The following SLC9A8 variants were observed in gnomAD, a reference collection of about 807,000 sequenced individuals.
The protein encoded by SLC9A8 is sodium/hydrogen exchanger 8.
SLC9A8 carries 48 observed loss-of-function variants against 66.6 expected under a neutral mutation model. The ratio of observed to expected loss-of-function variants is 0.72; its 90% confidence interval spans 0.57 to 0.92. SLC9A8 has a LOEUF of 0.92. Among genes scored for constraint, SLC9A8 ranks in the 40% least tolerant of loss-of-function variants. The pLI is 0.00. For missense variants in SLC9A8, 599 were observed against 747.3 expected, an observed-to-expected ratio of 0.80 and a Z score of 2.31; for synonymous variants, 274 against 282.6, an observed-to-expected ratio of 0.97 and a Z score of 0.31.
rs191705119 is a variant in SLC9A8, at chr20:49,865,962, C to T, written c.958+1118C>T. 1.6e-3 allele frequency among the ~76,000 whole-genome samples: 242 copies of T among 152,300 alleles called. 1 individual carries two copies. The highest frequency in any genetic ancestry group is 2.3e-3 in the Admixed American group (35 of 15,290). ...CAGAGATTTTCTTTTTTATTAACTT[C>T]GTTGAGGTATAATTTACACACAATA... On this transcript the variant is annotated intron_variant, in intron 10 of 15. Transcript: ENST00000361573.
At chr20:49,819,196 T>G (rs1018268176) in intron 2 of SLC9A8, among the ~76,000 whole-genome samples, 1 of 152,244 alleles carries the variant, frequency 6.6e-6, no homozygotes, top group African/African-American at 2.4e-5. Flanking sequence ...ACATACATTT[T>G]ATGGGCCTTG....
At chr20:49,830,914 C>T in intron 3 of SLC9A8, 3 of 895,362 alleles carry the variant, frequency 3.4e-6, no homozygotes. Context: ...AACTTTAAGC[C>T]TGATTTCTAC....
At chr20:49,818,883 A>G (rs1007984172) in intron 2 of SLC9A8, among the ~76,000 whole-genome samples, 3 of 152,230 alleles carry the variant, frequency 2.0e-5, no homozygotes, top group African/African-American at 7.2e-5. Flanking sequence ...ATTAAGGGAA[A>G]TTAGCCCATA....
chr20:49,892,194 G>A lies in SLC9A8; in HGVS notation c.*4258G>A, dbSNP rs1057297682. 8 of 152,210 alleles carry A rather than the reference G, an allele frequency of 5.3e-5. No individual in the cohort carries two copies. The highest frequency in any genetic ancestry group is 1.7e-4 in the African/African-American group (7 of 41,450). The allele number at this position is 152,210 out of a possible 1,614,324, so 9.4% of individuals were successfully genotyped here. On this transcript the variant is annotated 3_prime_UTR_variant, in exon 16 of 16. Transcript: ENST00000361573. The stretch of plus-strand genomic sequence containing the variant: ...GTCAGGAATAGATGTATGAACAGTC[G>A]TGTCACTGGATGCCTATTTAGAAAT...
chr20:49,816,424 A>AC (rs2086551044), intron 2 of SLC9A8, among the ~76,000 whole-genome samples: 1 of 151,990 alleles, frequency 6.6e-6, no homozygotes, highest in South Asian at 2.1e-4. Flanking sequence ...TGTCTTAAAA[A>AC]AAAAAAACAA....
At chr20:49,887,750 A>G in intron 15 of SLC9A8, 79 bp from the exon 16 acceptor site, 1 of 1,159,304 alleles carries the variant, frequency 8.6e-7, no homozygotes, top group Non-Finnish European at 1.2e-6. Context: ...CACCCCACAC[A>G]AAACACCCAG....
At chr20:49,834,433 GTATATATATA>G (rs765521098) in intron 3 of SLC9A8, among the ~76,000 whole-genome samples, 5 of 28,170 alleles carry the variant, frequency 1.8e-4, no homozygotes, top group Admixed American at 3.6e-4. Context: ...TATATATACT[GTATATATATA>G]TATATACTGT....
At chr20:49,879,612 G>C (rs910402119) in intron 12 of SLC9A8, among the ~76,000 whole-genome samples, 1 of 151,584 alleles carries the variant, frequency 6.6e-6, no homozygotes, top group Non-Finnish European at 1.5e-5. Context: ...ATCACTTGAG[G>C]TCAGCAGTTT....
chr20:49,822,696 A>T (rs1314864605), intron 2 of SLC9A8, among the ~76,000 whole-genome samples: 1 of 152,170 alleles, frequency 6.6e-6, no homozygotes, highest in Non-Finnish European at 1.5e-5. Flanking sequence ...CTGAGATGGG[A>T]GAATCACCTG....
chr20:49,834,270 T>A (rs1167402856), intron 3 of SLC9A8, among the ~76,000 whole-genome samples: 1 of 143,594 alleles, frequency 7.0e-6, no homozygotes, highest in Non-Finnish European at 1.5e-5. Flanking sequence ...ATGCACTATA[T>A]ATACACACAG....
In SLC9A8 at chr20:49,884,276, C is replaced by CACACACG. The variant is rs2089781569; in HGVS notation, c.1491+216_1491+217insGACACAC. 2.2e-4 allele frequency: 35 copies of CACACACG among 158,976 alleles called. 4 individuals are homozygous for CACACACG. Among genetic ancestry groups the CACACACG allele is most frequent in the East Asian group, 6.0e-4 (4 of 6,652 alleles). 9.8% of individuals were successfully genotyped at this position (158,976 alleles called of 1,614,324 possible). ...ACACACACGACACACACACACACGA[C>CACACACG]ACACACACACACGACACACACACAC... On this transcript the variant is annotated intron_variant, in intron 14 of 15. Coordinates refer to ENST00000361573, the MANE Select transcript of SLC9A8 (RefSeq NM_015266.3).
intron 3 of SLC9A8, among the ~76,000 whole-genome samples, chr20:49,826,399 T>C (rs1314888139): frequency 1.3e-5 from 2 of 152,184 alleles, no homozygotes; most frequent in Non-Finnish European, 2.9e-5. Flanking sequence ...AGAGAAAGTA[T>C]GGTTTTCGTT....
At position 49,884,021 on chromosome 20, in the gene SLC9A8, C is replaced by T; in HGVS notation, c.1446C>T (p.His482=). 1 of 1,613,696 alleles carries T rather than the reference C, an allele frequency of 6.2e-7. No individual in the cohort carries two copies. The highest frequency in any genetic ancestry group is 8.5e-7 in the Non-Finnish European group (1 of 1,179,994). Reference sequence around the variant, plus strand: ...TGGACATCGAGGACGCCAAGGCACACCGCAGGAACAAGAAGGACGTCAACC... The same window carrying T: ...TGGACATCGAGGACGCCAAGGCACATCGCAGGAACAAGAAGGACGTCAACC... ...RLMDIEDAKA[H]RRNKKDVNLS... Residue 482 remains histidine (H), a synonymous_variant, in exon 14 of 16, where the codon CAC becomes CAT. Transcript: ENST00000361573.
intron 3 of SLC9A8, among the ~76,000 whole-genome samples, chr20:49,828,337 C>T (rs1329207468): frequency 6.6e-6 from 1 of 151,646 alleles, no homozygotes; most frequent in Non-Finnish European, 1.5e-5. Context: ...CTGCCTCGGC[C>T]TCCCAAAATG....
At position 49,880,967 on chromosome 20, in the gene SLC9A8, C is replaced by A. The variant is rs762195695; in HGVS notation, c.1202C>A (p.Ser401Tyr). 6 of 1,614,038 alleles carry A rather than the reference C, an allele frequency of 3.7e-6. No homozygotes were observed. The highest frequency in any genetic ancestry group is 1.1e-5 in the South Asian group (1 of 91,082). ...AGAGCGGTAAACATTTTCCCTCTTT[C>A]CTACCTCCTGAATTTCTTCCGGGAT... Reference protein sequence around the residue: ...FGRAVNIFPLSYLLNFFRDHK... With the variant: ...FGRAVNIFPLYYLLNFFRDHK... Residue 401 changes from serine to tyrosine, a missense_variant, in exon 13 of 16, where the codon TCC becomes TAC. By Grantham distance (144) the Ser-to-Tyr change is moderately radical. Around this residue, in one of 2 missense-constraint regions of SLC9A8, gnomAD observed 467 missense variants for 626.5 expected, o/e 0.75. Transcript: ENST00000361573.
intron 10 of SLC9A8, among the ~76,000 whole-genome samples, chr20:49,872,244 C>A (rs1744107380): frequency 6.6e-6 from 1 of 152,176 alleles, no homozygotes; most frequent in Admixed American, 6.5e-5. Flanking sequence ...GGAAGCATGG[C>A]TGGAATCTCC....
At chr20:49,831,094 A>AC (rs1182049603) in intron 3 of SLC9A8, 3 of 624,788 alleles carry the variant, frequency 4.8e-6, no homozygotes, top group Non-Finnish European at 8.9e-6. Flanking sequence ...AAGCCGTCGG[A>AC]CCCCCCACCC....
intron 7 of SLC9A8, among the ~76,000 whole-genome samples, chr20:49,853,492 T>G (rs1157274297): frequency 6.6e-6 from 1 of 152,174 alleles, no homozygotes; most frequent in Non-Finnish European, 1.5e-5. Flanking sequence ...CCTCTGGTGA[T>G]GGGGCTGTGG....
At chr20:49,874,877 C>T in intron 11 of SLC9A8, 56 bp downstream of exon 11, 5 of 1,215,634 alleles carry the variant, frequency 4.1e-6, no homozygotes, top group Middle Eastern at 1.9e-4. Context: ...GATCTTGCTT[C>T]CTTATCCTGT....
Sources: allele counts gnomAD v4.1 joint callset (sites outside exome capture counted in the v4.1 genomes callset), GRCh38; gene constraint gnomAD v4.1.1; regional missense constraint gnomAD v4.1.1; transcripts MANE v1.5; gene names NCBI Gene and HGNC (gene_info 2026-07-23, HGNC 2026-07-21).